ARID1B: variants seen among roughly 807,000 people sequenced by gnomAD.
ARID1B encodes the protein AT-rich interaction domain 1B.
ARID1B carries 30 observed loss-of-function variants against 212.3 expected under a neutral mutation model. The observed-to-expected ratio is 0.14, with a 90% confidence interval of 0.11 to 0.19. The LOEUF is 0.19. Among genes scored for constraint, ARID1B ranks in the 10% least tolerant of loss-of-function variants. The probability of loss-of-function intolerance (pLI) is 1.00; values close to 1 mark genes in which losing one functional copy is unlikely to be tolerated. For synonymous variants in ARID1B, 1,402 were observed against 1,301.7 expected, an observed-to-expected ratio of 1.08 and a Z score of -1.66; for missense variants, 2,891 against 3,204.0, an observed-to-expected ratio of 0.90 and a Z score of 2.36.
At chr6:157,058,995 A>G (rs1239348580) in intron 4 of ARID1B, among the ~76,000 whole-genome samples, 2 of 152,102 alleles carry the variant, frequency 1.3e-5, no homozygotes, top group Non-Finnish European at 2.9e-5. Context: ...GGAGGCCCCA[A>G]AACACCTTGC....
In ARID1B at chr6:157,206,477, A is replaced by G. The variant is rs1174477597; in HGVS notation, c.5705A>G (p.Lys1902Arg). 3.1e-6 allele frequency: 5 copies of G among 1,614,120 alleles called. No individual in the cohort carries two copies. The highest frequency in any genetic ancestry group is 1.1e-5 in the South Asian group (1 of 91,082). The change falls in exon 20 of 20, where the codon AAG becomes AGG. Residue 1902 changes from lysine (K) to arginine (R), a missense_variant. This residue lies in a region of ARID1B where 332 missense variants were observed against 369.2 expected (regional missense o/e 0.90). Coordinates refer to ENST00000636930, the MANE Select transcript of ARID1B (RefSeq NM_001374828.1). This position sits in a 1 kb window ranked among gnomAD's most constrained non-coding sequence, Gnocchi z 6.8. Reference sequence around the variant, plus strand: ...GCTGCAGACCCAAAGGAGAAGCCCAAGCAAGCCAGTAAGTTCGACAAGCTG... The same window carrying G: ...GCTGCAGACCCAAAGGAGAAGCCCAGGCAAGCCAGTAAGTTCGACAAGCTG... The part of the protein sequence containing the change: ...DAAADPKEKP[K>R]QASKFDKLPI...
At chr6:156,785,729 T>C (rs550028277) in intron 1 of ARID1B, among the ~76,000 whole-genome samples, 2 of 152,370 alleles carry the variant, frequency 1.3e-5, no homozygotes, top group East Asian at 3.9e-4. Flanking sequence ...GCTGCTAATG[T>C]GTATTGTAAG....
intron 5 of ARID1B, among the ~76,000 whole-genome samples, chr6:157,095,628 T>TTAAG (rs1785565059): frequency 6.6e-6 from 1 of 152,218 alleles, no homozygotes; most frequent in Admixed American, 6.5e-5. Flanking sequence ...AGCTCATGTG[T>TTAAG]TAAGGGCGGC....
intron 4 of ARID1B, among the ~76,000 whole-genome samples, chr6:156,950,289 A>G (rs886792669): frequency 2.3e-4 from 35 of 152,190 alleles, no homozygotes; most frequent in African/African-American, 8.4e-4. Flanking sequence ...GAGTTTTCAG[A>G]GTTTTGGTAC....
At chr6:156,841,993 A>G (rs1270320065) in intron 2 of ARID1B, among the ~76,000 whole-genome samples, 1 of 152,362 alleles carries the variant, frequency 6.6e-6, no homozygotes, top group South Asian at 2.1e-4. Context: ...AAGACTGATT[A>G]TAATTAAAGT....
chr6:156,864,841 A>T (rs776251731), intron 2 of ARID1B, among the ~76,000 whole-genome samples: 2 of 152,172 alleles, frequency 1.3e-5, no homozygotes, highest in African/African-American at 4.8e-5. Flanking sequence ...TGGTATTTAC[A>T]TTATGAAGGG....
intron 1 of ARID1B, among the ~76,000 whole-genome samples, chr6:156,817,643 AC>A (rs67800138): frequency 6.6e-6 from 1 of 151,758 alleles, no homozygotes; most frequent in South Asian, 2.1e-4. Flanking sequence ...AAAAAAAAAA[AC>A]CACACACACA....
chr6:157,081,002 C>T (rs1471743439), intron 4 of ARID1B, among the ~76,000 whole-genome samples: 1 of 152,194 alleles, frequency 6.6e-6, no homozygotes, highest in Non-Finnish European at 1.5e-5. Flanking sequence ...CACCAAATCA[C>T]ATGATGATAG....
At chr6:157,035,534 G>T (rs1260245179) in intron 4 of ARID1B, among the ~76,000 whole-genome samples, 1 of 152,092 alleles carries the variant, frequency 6.6e-6, no homozygotes, top group African/African-American at 2.4e-5. Context: ...CTATAATAAG[G>T]CCTTGTTTCT....
At chr6:156,992,152 A>G (rs1778309699) in intron 4 of ARID1B, among the ~76,000 whole-genome samples, 1 of 152,188 alleles carries the variant, frequency 6.6e-6, no homozygotes, top group Admixed American at 6.5e-5. Context: ...GTAGTATGTC[A>G]ATGCAGATTG....
chr6:156,854,152 C>T (rs1583164442), intron 2 of ARID1B, among the ~76,000 whole-genome samples: 1 of 152,094 alleles, frequency 6.6e-6, no homozygotes, highest in African/African-American at 2.4e-5. Flanking sequence ...TAAAACATGT[C>T]GTTCTTCAGG....
intron 2 of ARID1B, among the ~76,000 whole-genome samples, chr6:156,831,951 T>C (rs944541883): frequency 6.6e-6 from 1 of 152,266 alleles, no homozygotes; most frequent in African/African-American, 2.4e-5. Flanking sequence ...GTCATGGGTC[T>C]AAATAATCTG....
chr6:156,908,299 T>A (rs1789573677), intron 3 of ARID1B, among the ~76,000 whole-genome samples: 1 of 152,234 alleles, frequency 6.6e-6, no homozygotes, highest in Non-Finnish European at 1.5e-5. Context: ...TTCCTATGTA[T>A]AGGAATTTGT....
chr6:157,178,630 A>T (rs1792281057), intron 11 of ARID1B, among the ~76,000 whole-genome samples: 1 of 152,242 alleles, frequency 6.6e-6, no homozygotes, highest in African/African-American at 2.4e-5. Context: ...AGATCTAAAA[A>T]TTATGAAAAA....
intron 7 of ARID1B, among the ~76,000 whole-genome samples, chr6:157,143,411 G>T (rs1002201860): frequency 6.7e-6 from 1 of 149,734 alleles, no homozygotes; most frequent in African/African-American, 2.5e-5. Flanking sequence ...GTTTATTTTG[G>T]GAAGAAAGAT....
chr6:156,798,331 C>T (rs1780540594), intron 1 of ARID1B, among the ~76,000 whole-genome samples: 1 of 152,214 alleles, frequency 6.6e-6, no homozygotes, highest in Non-Finnish European at 1.5e-5. Flanking sequence ...TGCCTGGGGT[C>T]GTGCCTGGCA....
At chr6:156,909,920 C>G (rs1175285201) in intron 3 of ARID1B, among the ~76,000 whole-genome samples, 1 of 152,210 alleles carries the variant, frequency 6.6e-6, no homozygotes, top group Non-Finnish European at 1.5e-5. Context: ...TCAGCTACAG[C>G]TGAGGCTGAA....
chr6:157,110,618 C>T (rs933977929), intron 6 of ARID1B, 57 bp downstream of exon 6: 36 of 1,529,186 alleles, frequency 2.4e-5, no homozygotes, highest in East Asian at 2.0e-4. Context: ...ATAAGGCGTA[C>T]GTGAGTTTGC....
intron 4 of ARID1B, among the ~76,000 whole-genome samples, chr6:157,029,427 A>G (rs1027396690): frequency 1.3e-5 from 2 of 152,204 alleles, no homozygotes; most frequent in African/African-American, 4.8e-5. Context: ...TTATTCAACA[A>G]ATATTTAGTG....
Sources: gnomAD v4.1 joint callset for allele counts (sites outside exome capture counted in the v4.1 genomes callset) on GRCh38, gnomAD v4.1.1 for gene constraint, gnomAD v4.1.1 regional missense constraint, Gnocchi (gnomAD v3.1) non-coding constraint, MANE v1.5 for transcripts, NCBI Gene and HGNC (gene_info 2026-07-23, HGNC 2026-07-21) for gene names.